Variants in ATP2A2 observed in about 807,000 individuals in gnomAD.
ATP2A2 encodes the protein ATPase sarcoplasmic/endoplasmic reticulum Ca2+ transporting 2, also known as sarcoplasmic/endoplasmic reticulum calcium ATPase 2.
A neutral mutation model predicts 109.3 loss-of-function variants in ATP2A2; 14 were observed. The observed-to-expected ratio is 0.13, with a 90% CI of 0.08 to 0.20. ATP2A2 has a LOEUF of 0.20. Among genes scored for constraint, ATP2A2 ranks in the 10% least tolerant of loss-of-function variants. The pLI is 1.00. For missense variants in ATP2A2, 657 were observed against 1,321.6 expected (o/e 0.50, Z 7.80); for synonymous variants, 506 against 490.9 (o/e 1.03, Z -0.41).
At chr12:110,293,824 A>ATGTGTGTGTGTGTG (rs1260963887) in intron 4 of ATP2A2, among the ~76,000 whole-genome samples, 1 of 126,382 alleles carries the variant, frequency 7.9e-6, no homozygotes, top group African/African-American at 3.6e-5. Context: ...TGTGCCATAT[A>ATGTGTGTGTGTGTG]TATGTGTGTG....
chr12:110,302,582 TAC>T (rs1265968532), intron 5 of ATP2A2, among the ~76,000 whole-genome samples: 2 of 90,702 alleles, frequency 2.2e-5, no homozygotes, highest in African/African-American at 1.1e-4. Flanking sequence ...TTATTTTTAT[TAC>T]TATTATTATT....
rs1172469490 is a variant in ATP2A2, at chr12:110,281,597, G to T, written c.-193G>T. The T allele has an allele frequency of 1.4e-5, 5 of 361,662 alleles. No individual in the cohort carries two copies. Among genetic ancestry groups the T allele is most frequent in the Admixed American group, 5.1e-5 (1 of 19,756 alleles). The allele number at this position is 361,662 out of a possible 1,614,324, so 22.4% of individuals were successfully genotyped here. On this transcript the variant is annotated 5_prime_UTR_variant, in exon 1 of 20. Transcript: ENST00000539276. Reference sequence around the variant, plus strand: ...CGCCCTGCGGAGCTCGGGGCCGCGCGAGGGGCGGTTGTCTGGGGGAGGGGG... The same window carrying T: ...CGCCCTGCGGAGCTCGGGGCCGCGCTAGGGGCGGTTGTCTGGGGGAGGGGG...
Position 110,340,105 on chromosome 12 carries a change from A to T in ATP2A2, c.1761+384A>T, listed in dbSNP as rs776752927. 1.9e-4 allele frequency among the ~76,000 whole-genome samples: 29 copies of T among 152,232 alleles called. No individual in the cohort carries two copies. The highest frequency in any genetic ancestry group is 3.5e-4 in the Non-Finnish European group (24 of 68,046). On this transcript the variant is annotated intron_variant, in intron 13 of 19. Transcript: ENST00000539276. The surrounding 1 kb of genome is among the most constrained non-coding windows in gnomAD (Gnocchi z 6.0). Reference sequence around the variant, plus strand: ...ACTTCCACTTTTCTACTCAGAGTAGAATTCTTTTATATCAAGGATGTGACA... The same window carrying T: ...ACTTCCACTTTTCTACTCAGAGTAGTATTCTTTTATATCAAGGATGTGACA...
rs1592858867 is a variant in ATP2A2 at position 110,339,190 on chromosome 12, A to G, written c.1420-91A>G. ...TTTTGTTTATTGCTATATTCCTAGC[A>G]TCTGTCATGTAATAGGTGTGCTTAC... On this transcript the variant is annotated intron_variant, in intron 11 of 19. Transcript: ENST00000539276. The surrounding 1 kb of genome is among the most constrained non-coding windows in gnomAD (Gnocchi z 4.4). The G allele has an allele frequency of 6.5e-7, 1 of 1,536,096 alleles. No individual in the cohort carries two copies. The highest frequency in any genetic ancestry group is 1.7e-5 in the Admixed American group (1 of 59,788).
intron 18 of ATP2A2, 176 bp downstream of exon 18, chr12:110,345,558 T>TG: frequency 1.0e-6 from 1 of 991,150 alleles, no homozygotes; most frequent in Non-Finnish European, 1.5e-6. Context: ...CAGGAAGTAG[T>TG]GGGAGTGCTT....
In ATP2A2 at chr12:110,347,404, G is replaced by A. The variant is rs530398917; in HGVS notation, c.*934G>A. ...AACTTTCTCTCCAGTTCTTAGCTCAGAACTTTAGTTGTACTCTGCTTGAGG... is the reference window on the plus strand; with the variant it reads ...AACTTTCTCTCCAGTTCTTAGCTCAAAACTTTAGTTGTACTCTGCTTGAGG... On this transcript the variant is annotated 3_prime_UTR_variant, in exon 20 of 20. Transcript: ENST00000539276. 1.3e-5 allele frequency: 17 copies of A among 1,289,108 alleles called. No individual in the cohort carries two copies. The South Asian group carries it at 1.9e-4, about 14-fold the overall frequency. The allele number at this position is 1,289,108 out of a possible 1,614,324, so 79.9% of individuals were successfully genotyped here.
chr12:110,337,297 T>G (rs1878924971), intron 11 of ATP2A2, among the ~76,000 whole-genome samples: 1 of 152,172 alleles, frequency 6.6e-6, no homozygotes. Context: ...GCCCCATGGC[T>G]TGTTTGGTGA....
chr12:110,314,033 A>ATGTT (rs1876391790), intron 5 of ATP2A2, among the ~76,000 whole-genome samples: 1 of 151,484 alleles, frequency 6.6e-6, no homozygotes, highest in African/African-American at 2.4e-5. Context: ...AACTTTTGAA[A>ATGTT]ACCAAGGGCT....
At chr12:110,296,998 A>T (rs989567211) in intron 5 of ATP2A2, among the ~76,000 whole-genome samples, 1 of 152,200 alleles carries the variant, frequency 6.6e-6, no homozygotes, top group African/African-American at 2.4e-5. Flanking sequence ...ATTGTAGAAC[A>T]CAAGTGCTAG....
At chr12:110,285,150 G>T (rs1184337469) in intron 3 of ATP2A2, among the ~76,000 whole-genome samples, 14 of 152,300 alleles carry the variant, frequency 9.2e-5, no homozygotes, top group Admixed American at 9.2e-4. Context: ...AAACTAAGTA[G>T]TAAACTGTTA....
Position 110,334,154 on chromosome 12 carries a change from GA to G in ATP2A2, c.1419+13del, listed in dbSNP as rs774764474. The G allele has an allele frequency of 6.2e-7, 1 of 1,613,416 alleles. No individual in the cohort carries two copies. Among genetic ancestry groups the G allele is most frequent in the Admixed American group, 1.7e-5 (1 of 59,994 alleles). On this transcript the variant is annotated intron_variant, in intron 11 of 19. Coordinates refer to ENST00000539276, the MANE Select transcript of ATP2A2 (RefSeq NM_170665.4). ...AATGCCTGCAACTCAGTGAGTATTT[GA>G]ACCTGGTTTATTGTTCATGCTGCTT...
intron 3 of ATP2A2, among the ~76,000 whole-genome samples, chr12:110,287,693 C>A (rs1872805271): frequency 6.6e-6 from 1 of 152,112 alleles, no homozygotes; most frequent in African/African-American, 2.4e-5. Context: ...TGGCTCACTG[C>A]AACCTCCACC....
chr12:110,311,388 G>C (rs1876016663), intron 5 of ATP2A2, among the ~76,000 whole-genome samples: 1 of 151,830 alleles, frequency 6.6e-6, no homozygotes, highest in South Asian at 2.1e-4. Context: ...AGGAGTTCAA[G>C]ACCAGCCTGG....
At chr12:110,304,871 G>A (rs1278285468) in intron 5 of ATP2A2, among the ~76,000 whole-genome samples, 1 of 152,110 alleles carries the variant, frequency 6.6e-6, no homozygotes, top group Non-Finnish European at 1.5e-5. Context: ...TATGATCCAG[G>A]CGTCGTGGCT....
At chr12:110,294,929 C>G (rs1321168905) in intron 4 of ATP2A2, among the ~76,000 whole-genome samples, 1 of 151,974 alleles carries the variant, frequency 6.6e-6, no homozygotes, top group Non-Finnish European at 1.5e-5. Context: ...AAGAGATTCT[C>G]CCACCTCAGT....
In ATP2A2 at chr12:110,350,362, T is replaced by G; in HGVS notation, c.*3892T>G. 2.5e-6 allele frequency: 4 copies of G among 1,613,976 alleles called. No homozygotes were observed. Among genetic ancestry groups the G allele is most frequent in the Admixed American group, 1.7e-5 (1 of 60,022 alleles). ...GGGTGTTCGGTTGCGTGCATGTGCG[T>G]TTTTAGCAACACATCTACCAACCCT... On this transcript the variant is annotated 3_prime_UTR_variant, in exon 20 of 20. Transcript: ENST00000539276.
Position 110,350,158 on chromosome 12 carries a change from C to T in ATP2A2, c.*3688C>T. 1.3e-6 allele frequency: 2 copies of T among 1,575,538 alleles called. No homozygotes were observed. Among genetic ancestry groups the T allele is most frequent in the Non-Finnish European group, 8.6e-7 (1 of 1,160,554 alleles). On this transcript the variant is annotated 3_prime_UTR_variant, in exon 20 of 20. Coordinates refer to ENST00000539276, the MANE Select transcript of ATP2A2 (RefSeq NM_170665.4). ...GGGACAGTAAATCAGAAATGCTGGT[C>T]TTGAAACCTTGAAAAGATCAAGCTG...
chr12:110,293,381 TTTTTTTTG>T (rs1296676687), intron 4 of ATP2A2, among the ~76,000 whole-genome samples: 7 of 121,532 alleles, frequency 5.8e-5, no homozygotes, highest in Non-Finnish European at 1.2e-4. Context: ...TTTTTTTTTT[TTTTTTTTG>T]TTTGTTTGTT....
rs140766323 is a variant in ATP2A2, at chr12:110,340,955, C to T, written c.2058C>T (p.Ile686=). 3.7e-4 allele frequency: 601 copies of T among 1,614,198 alleles called. 9 individuals carry two copies. The South Asian group carries it at 6.2e-3, about 17-fold the overall frequency. The change falls in exon 14 of 20, where the codon ATC becomes ATT. Residue 686 remains isoleucine, a synonymous_variant. Transcript: ENST00000539276. This position sits in a 1 kb window ranked among gnomAD's most constrained non-coding sequence, Gnocchi z 6.0. ...ARVEPSHKSK[I]VEFLQSFDEI... ...TTGAACCCTCCCACAAGTCTAAAAT[C>T]GTAGAATTTCTTCAGTCTTTTGATG... is the stretch of plus-strand genomic sequence containing the variant.
Sources: allele counts gnomAD v4.1 joint callset (sites outside exome capture counted in the v4.1 genomes callset), GRCh38; gene constraint gnomAD v4.1.1; non-coding constraint Gnocchi (gnomAD v3.1); transcripts MANE v1.5; gene names NCBI Gene and HGNC (gene_info 2026-07-23, HGNC 2026-07-21).